GUF1: variants seen among roughly 807,000 people sequenced by gnomAD.
GUF1 encodes translation factor GUF1, mitochondrial.
A neutral mutation model predicts 82.4 loss-of-function variants in GUF1; 78 were observed. That is an observed-to-expected ratio of 0.95 (90% CI 0.79 to 1.14). The LOEUF (loss-of-function observed/expected upper bound fraction) is 1.14. Among genes scored for constraint, GUF1 ranks in the 50% most tolerant of loss-of-function variants. The pLI is 0.00. For synonymous variants in GUF1, 279 were observed against 282.3 expected, an observed-to-expected ratio of 0.99 and a Z score of 0.12; for missense variants, 814 against 798.2, an observed-to-expected ratio of 1.02 and a Z score of -0.24.
chr4:44,696,596 C>T (rs550176599), intron 15 of GUF1, among the ~76,000 whole-genome samples: 6 of 152,180 alleles, frequency 3.9e-5, no homozygotes, highest in Admixed American at 2.6e-4. Context: ...CTATTAAATT[C>T]GACCTTAACC....
Position 44,698,722 on chromosome 4 carries a change from T to A in GUF1, c.*41T>A, listed in dbSNP as rs1481282610. 3.9e-6 allele frequency: 6 copies of A among 1,529,528 alleles called. No homozygotes were observed. The highest frequency in any genetic ancestry group is 5.3e-6 in the Non-Finnish European group (6 of 1,130,254). The allele number at this position is 1,529,528 out of a possible 1,614,324, so 94.7% of individuals were successfully genotyped here. Reference sequence around the variant, plus strand: ...AGAATTTTCATTGCAATTTGTAATATGCTGACAACAGAAAGAAAATTATAA... The same window carrying A: ...AGAATTTTCATTGCAATTTGTAATAAGCTGACAACAGAAAGAAAATTATAA... On this transcript the variant is annotated 3_prime_UTR_variant, in exon 17 of 17. Coordinates refer to ENST00000281543, the MANE Select transcript of GUF1 (RefSeq NM_021927.3).
intron 4 of GUF1, among the ~76,000 whole-genome samples, chr4:44,681,776 T>C (rs1183654888): frequency 1.3e-5 from 2 of 152,104 alleles, no homozygotes; most frequent in Non-Finnish European, 2.9e-5. Flanking sequence ...GACCGTGTTG[T>C]GTTAAGCCGT....
chr4:44,685,708 A>G (rs1048337591), intron 6 of GUF1, among the ~76,000 whole-genome samples: 5 of 152,070 alleles, frequency 3.3e-5, no homozygotes, highest in African/African-American at 9.7e-5. Flanking sequence ...CAGATTTCGA[A>G]CTATTCCTCT....
intron 1 of GUF1, among the ~76,000 whole-genome samples, chr4:44,679,048 G>A (rs1288459786): frequency 1.3e-5 from 2 of 152,194 alleles, no homozygotes; most frequent in Admixed American, 1.3e-4. Context: ...CGAGCCACTG[G>A]TCGAAGTGCT....
At chr4:44,692,336 A>G (rs975869712) in intron 13 of GUF1, among the ~76,000 whole-genome samples, 2 of 151,978 alleles carry the variant, frequency 1.3e-5, no homozygotes, top group African/African-American at 2.4e-5. Context: ...AAAGCCAGAT[A>G]AAAGTGAAAG....
Position 44,681,237 on chromosome 4 carries a change from A to G in GUF1, c.507+34A>G, listed in dbSNP as rs1171874441. On this transcript the variant is annotated intron_variant, in intron 4 of 16. Transcript: ENST00000281543. ...TTTTCATTTTGTATGATGTGATATGACATGACTATTTGGTTGTTTCAAGAG... is the reference window on the plus strand; with the variant it reads ...TTTTCATTTTGTATGATGTGATATGGCATGACTATTTGGTTGTTTCAAGAG... 4.2e-6 allele frequency: 6 copies of G among 1,427,636 alleles called. No individual in the cohort carries two copies. The African/African-American group carries it at 7.1e-5, about 17-fold the overall frequency. 88.4% of individuals were successfully genotyped at this position (1,427,636 alleles called of 1,614,324 possible). A position where few individuals can be genotyped will look rare whatever the true frequency, so the allele number is the denominator to read the frequency against.
chr4:44,683,444 T>C, intron 6 of GUF1, 126 bp downstream of exon 6: 1 of 559,536 alleles, frequency 1.8e-6, no homozygotes, highest in East Asian at 3.3e-5. Flanking sequence ...AAACTTCTTT[T>C]ACTATTATTT....
intron 13 of GUF1, among the ~76,000 whole-genome samples, chr4:44,692,487 T>C (rs966875664): frequency 4.6e-5 from 7 of 151,850 alleles, no homozygotes; most frequent in African/African-American, 1.7e-4. Context: ...CGGGATAGTA[T>C]ATATAGAAAA....
intron 13 of GUF1, 101 bp downstream of exon 13, chr4:44,691,900 C>G: frequency 1.2e-6 from 1 of 860,954 alleles, no homozygotes; most frequent in South Asian, 1.8e-5. Flanking sequence ...TTTCAGCTTT[C>G]TTGAAGATAG....
intron 9 of GUF1, among the ~76,000 whole-genome samples, chr4:44,688,757 T>C (rs1177101660): frequency 6.6e-6 from 1 of 151,912 alleles, no homozygotes; most frequent in Non-Finnish European, 1.5e-5. Context: ...ATGTGGATTT[T>C]AGAGGACTTC....
chr4:44,684,260 C>A (rs913791471), intron 6 of GUF1, among the ~76,000 whole-genome samples: 1 of 152,044 alleles, frequency 6.6e-6, no homozygotes, highest in Non-Finnish European at 1.5e-5. Context: ...GACGTTATGA[C>A]ATGGAATAAC....
intron 11 of GUF1, 77 bp downstream of exon 11, chr4:44,690,052 A>G (rs1458982357): frequency 1.9e-6 from 2 of 1,076,486 alleles, no homozygotes; most frequent in Admixed American, 2.8e-5. Flanking sequence ...TGTATATACA[A>G]TGCAGGAGAA....
At chr4:44,680,399 T>C (rs1159530143) in intron 1 of GUF1, 42 bp from the exon 2 acceptor site, 1 of 874,894 alleles carries the variant, frequency 1.1e-6, no homozygotes, top group African/African-American at 1.7e-5. Context: ...TTTGATAGTA[T>C]GCCAAATTTA....
At chr4:44,685,142 G>A (rs1213607367) in intron 6 of GUF1, among the ~76,000 whole-genome samples, 1 of 152,138 alleles carries the variant, frequency 6.6e-6, no homozygotes, top group Non-Finnish European at 1.5e-5. Flanking sequence ...ACAAGTTAAG[G>A]ACTATTGTAA....
At chr4:44,682,995 G>A (rs1437566391) in intron 5 of GUF1, among the ~76,000 whole-genome samples, 1 of 151,834 alleles carries the variant, frequency 6.6e-6, no homozygotes, top group Non-Finnish European at 1.5e-5. Context: ...CTCTTCTGCT[G>A]CCCTGGGTAG....
intron 4 of GUF1, 96 bp downstream of exon 4, chr4:44,681,299 G>A: frequency 1.1e-6 from 1 of 888,830 alleles, no homozygotes; most frequent in South Asian, 1.5e-5. Context: ...TAGAATTTTT[G>A]TGTTTGAAAA....
chr4:44,682,316 G>C lies in GUF1; in HGVS notation c.508-18G>C. ...AATAGAATGGTCATCTCAGTATCTT[G>C]TATCTTGATATTTTCAGGGAATTCA... On this transcript the variant is annotated intron_variant, in intron 4 of 16. Coordinates refer to ENST00000281543, the MANE Select transcript of GUF1 (RefSeq NM_021927.3). The C allele has an allele frequency of 6.9e-7, 1 of 1,443,604 alleles. No homozygotes were observed. The allele number at this position is 1,443,604 out of a possible 1,614,324, so 89.4% of individuals were successfully genotyped here.
At chr4:44,684,803 G>A (rs1338936111) in intron 6 of GUF1, among the ~76,000 whole-genome samples, 1 of 152,100 alleles carries the variant, frequency 6.6e-6, no homozygotes, top group Non-Finnish European at 1.5e-5. Context: ...ATTAAATGAT[G>A]TTTCTTGATT....
At chr4:44,684,252 C>T (rs1156523962) in intron 6 of GUF1, among the ~76,000 whole-genome samples, 3 of 151,964 alleles carry the variant, frequency 2.0e-5, no homozygotes, top group Non-Finnish European at 2.9e-5. Context: ...CTTAGAGAGA[C>T]GTTATGACAT....
Sources: gnomAD v4.1 joint callset for allele counts (sites outside exome capture counted in the v4.1 genomes callset) on GRCh38, gnomAD v4.1.1 for gene constraint, MANE v1.5 for transcripts, NCBI Gene and HGNC (gene_info 2026-07-23, HGNC 2026-07-21) for gene names.